Variants in PLOD2 observed in about 807,000 individuals in gnomAD.
PLOD2 encodes procollagen-lysine,2-oxoglutarate 5-dioxygenase 2, also known as lysine hydroxylase 2.
PLOD2 carries 65 observed loss-of-function variants against 101.0 expected under a neutral mutation model. The ratio of observed to expected loss-of-function variants is 0.64; its 90% CI spans 0.53 to 0.79. The LOEUF (loss-of-function observed/expected upper bound fraction) is 0.79. PLOD2 is among the 30% of genes least tolerant of loss of function. The probability of loss-of-function intolerance (pLI) is 0.00; values close to 1 mark genes in which losing one functional copy is unlikely to be tolerated. For synonymous variants in PLOD2, 314 were observed against 302.9 expected (o/e 1.04, Z -0.38); for missense variants, 909 against 914.6 (o/e 0.99, Z 0.08).
At chr3:146,136,693 A>G (rs1037359336) in intron 1 of PLOD2, among the ~76,000 whole-genome samples, 2 of 152,178 alleles carry the variant, frequency 1.3e-5, no homozygotes, top group African/African-American at 4.8e-5. Context: ...TGCCTTTTTT[A>G]TGTTTAGATA....
At chr3:146,078,594 GTAAA>G (rs1936424189) in intron 13 of PLOD2, among the ~76,000 whole-genome samples, 1 of 151,772 alleles carries the variant, frequency 6.6e-6, no homozygotes, top group Non-Finnish European at 1.5e-5. Context: ...TTTATTTAGA[GTAAA>G]TACACTATGT....
intron 1 of PLOD2, among the ~76,000 whole-genome samples, chr3:146,158,376 A>G (rs144808666): frequency 5.9e-5 from 9 of 152,318 alleles, no homozygotes; most frequent in African/African-American, 1.9e-4. Flanking sequence ...AAAGGAATCA[A>G]TACAGCACAC....
chr3:146,090,858 T>A (rs2108027857), intron 8 of PLOD2, among the ~76,000 whole-genome samples: 1 of 151,930 alleles, frequency 6.6e-6, no homozygotes, highest in East Asian at 1.9e-4. Flanking sequence ...ATATTGCTTC[T>A]ACGTTTCTGG....
At chr3:146,134,592 A>ATG (rs1559866624) in intron 1 of PLOD2, among the ~76,000 whole-genome samples, 3 of 152,338 alleles carry the variant, frequency 2.0e-5, no homozygotes, top group South Asian at 4.1e-4. Flanking sequence ...TACCAAGGTT[A>ATG]TGTAGCTTGC....
intron 1 of PLOD2, among the ~76,000 whole-genome samples, chr3:146,139,342 A>G (rs1343931019): frequency 6.6e-6 from 1 of 152,174 alleles, no homozygotes; most frequent in African/African-American, 2.4e-5. Context: ...TTATCTCATA[A>G]ATCTAACCTG....
intron 3 of PLOD2, among the ~76,000 whole-genome samples, chr3:146,118,098 G>A (rs767150922): frequency 2.0e-5 from 3 of 152,126 alleles, no homozygotes; most frequent in Non-Finnish European, 2.9e-5. Context: ...CATGTGGCAA[G>A]TTTAAGCTGA....
intron 1 of PLOD2, among the ~76,000 whole-genome samples, chr3:146,157,410 A>C (rs1239245624): frequency 6.6e-6 from 1 of 152,238 alleles, no homozygotes; most frequent in African/African-American, 2.4e-5. Flanking sequence ...AAAAATAGCC[A>C]GGAGAAGAAT....
intron 3 of PLOD2, among the ~76,000 whole-genome samples, chr3:146,112,504 G>A (rs959434030): frequency 2.0e-5 from 3 of 151,970 alleles, no homozygotes; most frequent in South Asian, 4.2e-4. Flanking sequence ...GTCGGTGGGC[G>A]GGGGGCAAGG....
intron 6 of PLOD2, among the ~76,000 whole-genome samples, chr3:146,103,303 A>G (rs1018203411): frequency 6.6e-6 from 1 of 152,204 alleles, no homozygotes; most frequent in Non-Finnish European, 1.5e-5. Flanking sequence ...GTCTGGCATA[A>G]GCAAGGGTTC....
chr3:146,121,187 TG>T lies in PLOD2; in HGVS notation c.262del (p.Gln88ArgfsTer3). 1 of 1,607,896 alleles carries T rather than the reference TG, an allele frequency of 6.2e-7. No homozygotes were observed. The highest frequency in any genetic ancestry group is 8.5e-7 in the Non-Finnish European group (1 of 1,174,494). On this transcript the variant is annotated frameshift_variant, in exon 3 of 20. Coordinates refer to ENST00000282903, the MANE Select transcript of PLOD2 (RefSeq NM_182943.3). LOFTEE classifies it high-confidence loss of function. ...GDGINSIGGG[Q>X]KVRLMKEVME... ...GACTTCTTTCATTAATCTCACTTTC[TG>T]GCCCCCTCCAATACTATTAATTCCA...
At chr3:146,137,408 C>G (rs1429382827) in intron 1 of PLOD2, among the ~76,000 whole-genome samples, 1 of 152,040 alleles carries the variant, frequency 6.6e-6, no homozygotes, top group African/African-American at 2.4e-5. Flanking sequence ...CACCAAACCC[C>G]GCTAATAAAT....
chr3:146,140,707 A>G (rs1300072555), intron 1 of PLOD2, among the ~76,000 whole-genome samples: 6 of 152,148 alleles, frequency 3.9e-5, no homozygotes, highest in African/African-American at 1.4e-4. Context: ...AACTTTCTCT[A>G]AACACTTTCT....
At chr3:146,096,132 G>A (rs1436641606) in intron 7 of PLOD2, among the ~76,000 whole-genome samples, 2 of 150,078 alleles carry the variant, frequency 1.3e-5, no homozygotes, top group South Asian at 2.1e-4. Context: ...CGAGTGATCC[G>A]CCAGCCTCGG....
At chr3:146,147,083 T>A (rs1559872414) in intron 1 of PLOD2, among the ~76,000 whole-genome samples, 1 of 151,982 alleles carries the variant, frequency 6.6e-6, no homozygotes, top group Non-Finnish European at 1.5e-5. Context: ...AAAATCCAAC[T>A]AAGAATGTAA....
chr3:146,119,399 C>G (rs1002725887), intron 3 of PLOD2, among the ~76,000 whole-genome samples: 5 of 152,038 alleles, frequency 3.3e-5, no homozygotes, highest in Non-Finnish European at 5.9e-5. Context: ...AGCACAAGAA[C>G]TGATTAATAC....
At chr3:146,152,499 C>T (rs887785021) in intron 1 of PLOD2, among the ~76,000 whole-genome samples, 1 of 152,036 alleles carries the variant, frequency 6.6e-6, no homozygotes, top group African/African-American at 2.4e-5. Context: ...GTAATATGTC[C>T]CTAAGAAATG....
At chr3:146,132,682 A>G (rs1196489208) in intron 1 of PLOD2, among the ~76,000 whole-genome samples, 1 of 152,164 alleles carries the variant, frequency 6.6e-6, no homozygotes, top group African/African-American at 2.4e-5. Flanking sequence ...AGGTAACCCA[A>G]TAGTGAATGT....
chr3:146,151,064 T>G (rs1033791371), intron 1 of PLOD2, among the ~76,000 whole-genome samples: 1 of 152,190 alleles, frequency 6.6e-6, no homozygotes, highest in African/African-American at 2.4e-5. Flanking sequence ...CAACAACCAG[T>G]AGAAAAAGTA....
chr3:146,128,635 A>G (rs565423386), intron 1 of PLOD2, among the ~76,000 whole-genome samples: 71 of 152,204 alleles, frequency 4.7e-4, no homozygotes, highest in South Asian at 8.3e-4. Context: ...AAAATCAAGA[A>G]GTCAATTTGT....
Sources: gnomAD v4.1 joint callset for allele counts (sites outside exome capture counted in the v4.1 genomes callset) on GRCh38, gnomAD v4.1.1 for gene constraint, MANE v1.5 for transcripts, NCBI Gene and HGNC (gene_info 2026-07-23, HGNC 2026-07-21) for gene names.